The following FRMD6 variants were observed in gnomAD, a reference collection of about 807,000 sequenced individuals.
FRMD6 encodes the protein FERM domain-containing protein 6.
A neutral mutation model predicts 73.2 loss-of-function variants in FRMD6; 37 were observed. That is an observed-to-expected ratio of 0.51 (90% CI 0.39 to 0.66). The LOEUF (loss-of-function observed/expected upper bound fraction) is 0.66, where lower values mean the gene tolerates loss of function less well. Ranked by LOEUF, FRMD6 falls within the 30% of genes least tolerant of loss-of-function variation. The probability of loss-of-function intolerance (pLI) is 0.00; values close to 1 mark genes in which losing one functional copy is unlikely to be tolerated. For synonymous variants in FRMD6, 273 were observed against 282.2 expected, an observed-to-expected ratio of 0.97 and a Z score of 0.33; for missense variants, 714 against 780.5, an observed-to-expected ratio of 0.91 and a Z score of 1.02.
intron 2 of FRMD6, among the ~76,000 whole-genome samples, chr14:51,619,326 A>G (rs1047681961): frequency 6.6e-6 from 1 of 152,042 alleles, no homozygotes; most frequent in Non-Finnish European, 1.5e-5. Context: ...ATGTCTGTTT[A>G]TTAAGTTAAA....
At position 51,689,709 on chromosome 14, in the gene FRMD6, C is replaced by G; in HGVS notation, c.-128C>G. The G allele has an allele frequency of 1.5e-6, 1 of 677,522 alleles. No individual in the cohort carries two copies. The highest frequency in any genetic ancestry group is 2.3e-5 in the Admixed American group (1 of 44,428). 42.0% of individuals were successfully genotyped at this position (677,522 alleles called of 1,614,324 possible). On this transcript the variant is annotated 5_prime_UTR_variant, in exon 2 of 14. Coordinates refer to ENST00000344768, the MANE Select transcript of FRMD6 (RefSeq NM_001267046.2). ...TTCACAGCTATGAAACCCACGTAGT[C>G]GAACACCGTGATGCTTCTCCTGCAG...
intron 1 of FRMD6, among the ~76,000 whole-genome samples, chr14:51,562,432 G>T (rs1326788522): frequency 3.9e-5 from 6 of 152,268 alleles, no homozygotes; most frequent in African/African-American, 1.2e-4. Context: ...GCTGGCCCAG[G>T]TATATATACT....
chr14:51,720,387 G>A lies in FRMD6; in HGVS notation c.1357G>A (p.Asp453Asn), dbSNP rs534531696. Residue 453 changes from aspartate (D) to asparagine (N), a missense_variant, in exon 11 of 14, where the codon GAT (aspartate) becomes AAT (asparagine). Physicochemically the swap from Asp to Asn is conservative, Grantham distance 23. Coordinates refer to ENST00000344768, the MANE Select transcript of FRMD6 (RefSeq NM_001267046.2). Reference sequence around the variant, plus strand: ...CCGGCTGGAAGAGGACTTACAGGACGATGGTAACAGTACTGTCCCCTCACT... The same window carrying A: ...CCGGCTGGAAGAGGACTTACAGGACAATGGTAACAGTACTGTCCCCTCACT... ...KDRLEEDLQD[D>N]EIEMLVDDPR... 6 of 1,612,270 alleles carry A rather than the reference G, an allele frequency of 3.7e-6. No homozygotes were observed. Among genetic ancestry groups the A allele is most frequent in the South Asian group, 3.3e-5 (3 of 91,058 alleles).
At chr14:51,556,067 CT>C (rs915432175) in intron 1 of FRMD6, among the ~76,000 whole-genome samples, 8 of 152,260 alleles carry the variant, frequency 5.3e-5, no homozygotes, top group African/African-American at 1.9e-4. Context: ...TATTGATGGC[CT>C]TTGTGTTTCC....
At chr14:51,591,776 C>T (rs1420238142) in intron 2 of FRMD6, among the ~76,000 whole-genome samples, 2 of 152,082 alleles carry the variant, frequency 1.3e-5, no homozygotes, top group African/African-American at 2.4e-5. Context: ...CTCCTGACTT[C>T]GTGATCCACC....
chr14:51,649,314 A>C (rs1017377699), upstream of FRMD6, among the ~76,000 whole-genome samples: 13 of 152,192 alleles, frequency 8.5e-5, no homozygotes, highest in African/African-American at 3.1e-4. Flanking sequence ...GAAAATATTC[A>C]CATAGTGAAT....
chr14:51,417,023 C>A, the FRMD6 span, among the ~76,000 whole-genome samples: 591 of 152,142 alleles, frequency 3.9e-3, 2 homozygotes, highest in East Asian at 8.7e-3. Context: ...CTTCCTCCAT[C>A]CCTTTATTTT....
intron 1 of FRMD6, among the ~76,000 whole-genome samples, chr14:51,665,432 A>T (rs1466956163): frequency 6.6e-6 from 1 of 152,000 alleles, no homozygotes; most frequent in East Asian, 1.9e-4. Context: ...GAGTTCCTTA[A>T]ATCTAGCCAA....
chr14:51,452,738 G>A, the FRMD6 span, among the ~76,000 whole-genome samples: 13 of 152,326 alleles, frequency 8.5e-5, no homozygotes, highest in South Asian at 2.7e-3. Context: ...TATCTAGAAA[G>A]AAGGGCCAGT....
At chr14:51,453,815 CAGTT>C in the FRMD6 span, among the ~76,000 whole-genome samples, 4 of 152,222 alleles carry the variant, frequency 2.6e-5, no homozygotes, top group Middle Eastern at 3.4e-3. Context: ...TTTTTAGACA[CAGTT>C]AGTTTTTGCT....
At chr14:51,641,498 G>A (rs1206704814) in intron 2 of FRMD6, among the ~76,000 whole-genome samples, 1 of 152,160 alleles carries the variant, frequency 6.6e-6, no homozygotes, top group Non-Finnish European at 1.5e-5. Context: ...TCTAGGACGA[G>A]ATAAAATGTG....
intron 1 of FRMD6, among the ~76,000 whole-genome samples, chr14:51,527,212 C>G (rs1293566760): frequency 6.6e-6 from 1 of 152,254 alleles, no homozygotes; most frequent in Non-Finnish European, 1.5e-5. Flanking sequence ...TTTAAATAAT[C>G]TCATTGGCAA....
chr14:51,487,509 A>T (rs565032286), upstream of FRMD6, among the ~76,000 whole-genome samples: 4 of 152,338 alleles, frequency 2.6e-5, no homozygotes, highest in East Asian at 7.7e-4. Context: ...CTGCATTTCC[A>T]ACCAGCTCCA....
intron 1 of FRMD6, among the ~76,000 whole-genome samples, chr14:51,538,984 A>T (rs1005186993): frequency 6.6e-6 from 1 of 152,076 alleles, no homozygotes; most frequent in Non-Finnish European, 1.5e-5. Context: ...CATTGCTAGC[A>T]TCTAGAAATA....
intron 2 of FRMD6, among the ~76,000 whole-genome samples, chr14:51,584,887 C>A (rs74672572): frequency 3.9e-3 from 592 of 152,248 alleles, no homozygotes; most frequent in African/African-American, 0.014. Flanking sequence ...AAATTTAATT[C>A]TTTTTAGAAT....
rs144425266 is a variant in FRMD6, at chr14:51,725,677, A to C, written c.1493-102A>C. On this transcript the variant is annotated intron_variant, in intron 12 of 13. Coordinates refer to ENST00000344768, the MANE Select transcript of FRMD6 (RefSeq NM_001267046.2). Reference sequence around the variant, plus strand: ...CAGTGAAACTTTTTGGTAATGGTTAATATTTGATTTTTCATTCCTGATAGC... The same window carrying C: ...CAGTGAAACTTTTTGGTAATGGTTACTATTTGATTTTTCATTCCTGATAGC... 2,112 of 863,454 alleles carry C rather than the reference A, an allele frequency of 2.4e-3. 5 individuals are homozygous for C. Among genetic ancestry groups the C allele is most frequent in the Non-Finnish European group, 3.5e-3 (1,832 of 527,102 alleles). The allele number at this position is 863,454 out of a possible 1,614,324, so 53.5% of individuals were successfully genotyped here.
chr14:51,482,917 T>C, the FRMD6 span, among the ~76,000 whole-genome samples: 2 of 152,206 alleles, frequency 1.3e-5, no homozygotes, highest in East Asian at 3.9e-4. Flanking sequence ...TCGGCCAGAC[T>C]GGTCTCGATC....
At chr14:51,566,545 T>C (rs914710515) in intron 1 of FRMD6, among the ~76,000 whole-genome samples, 7 of 152,244 alleles carry the variant, frequency 4.6e-5, no homozygotes, top group African/African-American at 7.2e-5. Context: ...CCACGTAATA[T>C]TTGTTTCACC....
rs1270476777 is a variant in FRMD6, at chr14:51,602,708, T to A, written c.-147+32298T>A. On this transcript the variant is annotated intron_variant, in intron 2 of 14. Transcript: ENST00000356218. The stretch of plus-strand genomic sequence containing the variant: ...ACAAGAAAAGCCTGTCAACTACTGA[T>A]TTAGAGCAAAGTGTTTGTTTCTTTT... Among the ~76,000 whole-genome samples the A allele has an allele frequency of 3.9e-5, 6 of 152,222 alleles. No homozygotes were observed. In the South Asian group the frequency reaches 1.2e-3, roughly 32 times the overall value.
Sources: gnomAD v4.1 joint callset for allele counts (sites outside exome capture counted in the v4.1 genomes callset) on GRCh38, gnomAD v4.1.1 for gene constraint, MANE v1.5 for transcripts, NCBI Gene and HGNC (gene_info 2026-07-23, HGNC 2026-07-21) for gene names.